The following LINGO1 variants were observed in gnomAD, a reference collection of about 807,000 sequenced individuals.
The protein encoded by LINGO1 is leucine rich repeat and Ig domain containing 1.
In LINGO1, 11 loss-of-function variants were observed where a neutral mutation model predicts 37.3. The observed-to-expected ratio is 0.29, with a 90% confidence interval of 0.19 to 0.49. The LOEUF is 0.49. LINGO1 is among the 20% of genes least tolerant of loss of function. The pLI is 0.99. For missense variants in LINGO1, 585 were observed against 878.2 expected (o/e 0.67, Z 4.22); for synonymous variants, 387 against 403.0 (o/e 0.96, Z 0.48).
chr15:77,705,204 C>CACACACACACACACACACACACACACACA (rs1332650126), intron 2 of LINGO1, among the ~76,000 whole-genome samples: 32 of 150,308 alleles, frequency 2.1e-4, no homozygotes, highest in African/African-American at 6.7e-4. Flanking sequence ...CACACACACA[C>CACACACACACACACACACACACACACACA]ACCAGTCCAC....
chr15:77,724,270 C>T (rs962595452), intron 2 of LINGO1, among the ~76,000 whole-genome samples: 14 of 152,236 alleles, frequency 9.2e-5, no homozygotes, highest in African/African-American at 3.4e-4. Flanking sequence ...TCTGCACCGA[C>T]TCAGCATCAG....
At chr15:77,664,166 T>TGCGCGCGCGCGCGCGC (rs1225533245) in intron 3 of LINGO1, among the ~76,000 whole-genome samples, 2 of 122,968 alleles carry the variant, frequency 1.6e-5, no homozygotes, top group Admixed American at 7.3e-5. Flanking sequence ...TGTGTGTGTG[T>TGCGCGCGCGCGCGCGC]GTGTGCGCGC....
rs568912308 is a variant in LINGO1 at position 77,712,301 on chromosome 15, C to T, written c.-194-21400G>A. ...CCTCTCCTTACAATCCTCACTGCACCGAGACCTTCGCACCTCACCTTCCAT... is the reference window on the plus strand; with the variant it reads ...CCTCTCCTTACAATCCTCACTGCACTGAGACCTTCGCACCTCACCTTCCAT... On this transcript the variant is annotated intron_variant, in intron 2 of 3. Coordinates refer to the LINGO1 transcript ENST00000561686. Among the ~76,000 whole-genome samples the T allele has an allele frequency of 5.3e-5, 8 of 152,282 alleles. 1 individual carries two copies. The South Asian group carries it at 6.2e-4, about 12-fold the overall frequency.
intron 3 of LINGO1, among the ~76,000 whole-genome samples, chr15:77,660,479 C>T (rs1384369077): frequency 6.6e-6 from 1 of 152,172 alleles, no homozygotes; most frequent in Admixed American, 6.5e-5. Flanking sequence ...CCCTTGCTCT[C>T]CCGAGGCGAC....
At chr15:77,721,633 C>T (rs2076051025) in intron 2 of LINGO1, among the ~76,000 whole-genome samples, 1 of 152,200 alleles carries the variant, frequency 6.6e-6, no homozygotes, top group Non-Finnish European at 1.5e-5. Context: ...CCAGTGCCTA[C>T]CACAGTGCTT....
intron 1 of LINGO1, among the ~76,000 whole-genome samples, chr15:77,771,667 C>T (rs1253275113): frequency 6.6e-6 from 1 of 152,198 alleles, no homozygotes; most frequent in Non-Finnish European, 1.5e-5. Context: ...GAGGAGACTG[C>T]TGGAAGCTAG....
At chr15:77,678,015 C>T (rs925188905) in intron 2 of LINGO1, among the ~76,000 whole-genome samples, 1 of 152,236 alleles carries the variant, frequency 6.6e-6, no homozygotes, top group African/African-American at 2.4e-5. Context: ...CTGCCACCTC[C>T]TCAGAAAGCT....
chr15:77,744,078 C>G (rs1010325601), intron 1 of LINGO1, among the ~76,000 whole-genome samples: 14 of 152,190 alleles, frequency 9.2e-5, no homozygotes, highest in Non-Finnish European at 4.4e-5. Context: ...GTGGGCAGAG[C>G]CTGCCTCAAC....
intron 1 of LINGO1, among the ~76,000 whole-genome samples, chr15:77,739,206 T>C (rs1380036690): frequency 1.3e-5 from 2 of 152,370 alleles, no homozygotes; most frequent in East Asian, 1.9e-4. Context: ...CCAGTAATTG[T>C]GTTCGCAGCG....
chr15:77,671,527 G>A (rs1567509805), intron 3 of LINGO1, among the ~76,000 whole-genome samples: 1 of 152,226 alleles, frequency 6.6e-6, no homozygotes, highest in Non-Finnish European at 1.5e-5. Flanking sequence ...AGTGCCCCGG[G>A]GCAGAGTGAA....
chr15:77,754,116 G>A (rs2076397176), intron 1 of LINGO1, among the ~76,000 whole-genome samples: 1 of 151,972 alleles, frequency 6.6e-6, no homozygotes, highest in Non-Finnish European at 1.5e-5. Context: ...GAAAGGCAAG[G>A]GGGAAGGAAA....
chr15:77,779,714 C>A (rs748158703), intron 1 of LINGO1, among the ~76,000 whole-genome samples: 4 of 152,194 alleles, frequency 2.6e-5, no homozygotes, highest in Non-Finnish European at 5.9e-5. Flanking sequence ...CACTCGCTCA[C>A]TACTGCTCAT....
intron 2 of LINGO1, chr15:77,707,632 G>C (rs998150657): frequency 6.6e-6 from 1 of 152,304 alleles, no homozygotes; most frequent in Non-Finnish European, 1.5e-5. Flanking sequence ...AAAAGGACTG[G>C]ACAAGTGGCT....
chr15:77,675,661 G>A (rs913711842), intron 3 of LINGO1, among the ~76,000 whole-genome samples: 8 of 152,130 alleles, frequency 5.3e-5, no homozygotes, highest in South Asian at 2.1e-4. Context: ...GGCTTGAACC[G>A]CATGCTTTAA....
intron 1 of LINGO1, among the ~76,000 whole-genome samples, chr15:77,768,994 C>T (rs975761813): frequency 3.3e-5 from 5 of 152,218 alleles, no homozygotes; most frequent in Non-Finnish European, 7.3e-5. Flanking sequence ...CTGCTGTCAT[C>T]CCAGCCTCCA....
chr15:77,692,032 G>C (rs910595257), intron 1 of LINGO1, among the ~76,000 whole-genome samples: 3 of 152,162 alleles, frequency 2.0e-5, no homozygotes, highest in Non-Finnish European at 1.5e-5. Context: ...GGCAGAGTGG[G>C]GCTTGAACAC....
rs548325765 is a variant in LINGO1 at position 77,667,947 on chromosome 15, G to A, written c.-13+9142C>T. 2.6e-5 allele frequency: 4 copies of A among 153,300 alleles called. No homozygotes were observed. In the East Asian group the frequency reaches 5.4e-4, roughly 21 times the overall value. The allele number at this position is 153,300 out of a possible 1,614,324, so 9.5% of individuals were successfully genotyped here. A position where few individuals can be genotyped will look rare whatever the true frequency, so the allele number is the denominator to read the frequency against. ...ACTGAGGGCCCAGGGCTGGGGCTGA[G>A]GGCAAAGGAACCTGCACAGGGAGGA... On this transcript the variant is annotated intron_variant, in intron 3 of 3. Coordinates refer to the LINGO1 transcript ENST00000559893.
intron 1 of LINGO1, among the ~76,000 whole-genome samples, chr15:77,797,424 C>T (rs1293553450): frequency 6.6e-6 from 1 of 152,150 alleles, no homozygotes; most frequent in Non-Finnish European, 1.5e-5. Context: ...GAAAAAAAAA[C>T]ATGACAGGCA....
At chr15:77,639,764 ATAAACTGAATATGGAT>A (rs2074464043) in intron 3 of LINGO1, among the ~76,000 whole-genome samples, 1 of 152,230 alleles carries the variant, frequency 6.6e-6, no homozygotes, top group African/African-American at 2.4e-5. Flanking sequence ...CCCAAGCCCT[ATAAACTGAATATGGAT>A]ACCTACAAAT....
Sources: allele counts gnomAD v4.1 joint callset (sites outside exome capture counted in the v4.1 genomes callset), GRCh38; gene constraint gnomAD v4.1.1; transcripts MANE v1.5; gene names NCBI Gene and HGNC (gene_info 2026-07-23, HGNC 2026-07-21).